LMNTD1: variants seen among roughly 807,000 people sequenced by gnomAD.
LMNTD1 encodes lamin tail domain containing 1.
LMNTD1 carries 35 observed loss-of-function variants against 50.9 expected under a neutral mutation model. The ratio of observed to expected loss-of-function variants is 0.69; its 90% CI spans 0.53 to 0.91. LMNTD1 has a LOEUF of 0.91. LMNTD1 is among the 40% of genes least tolerant of loss of function. The probability of loss-of-function intolerance (pLI) is 0.00; values close to 1 mark genes in which losing one functional copy is unlikely to be tolerated. For missense variants in LMNTD1, 470 were observed against 475.5 expected (o/e 0.99, Z 0.11); for synonymous variants, 153 against 161.9 (o/e 0.94, Z 0.42).
chr12:25,519,290 C>T (rs1032077556), intron 7 of LMNTD1, among the ~76,000 whole-genome samples: 44 of 152,274 alleles, frequency 2.9e-4, no homozygotes, highest in Non-Finnish European at 4.4e-4. Flanking sequence ...AATAACAGTG[C>T]CCATGAAAAG....
chr12:25,642,855 C>G (rs1393282871), intron 1 of LMNTD1, among the ~76,000 whole-genome samples: 3 of 152,318 alleles, frequency 2.0e-5, no homozygotes, highest in South Asian at 4.1e-4. Context: ...GAGCTCAGTA[C>G]AGCCAATTGG....
At chr12:25,526,741 T>C (rs1941743758) in intron 5 of LMNTD1, 28 bp downstream of exon 5, 7 of 1,473,408 alleles carry the variant, frequency 4.8e-6, no homozygotes, top group Admixed American at 1.9e-5. Context: ...ACAATTCTAA[T>C]GTACAGTATT....
At chr12:25,505,124 T>C (rs1414099073) in intron 8 of LMNTD1, among the ~76,000 whole-genome samples, 1 of 152,202 alleles carries the variant, frequency 6.6e-6, no homozygotes, top group Non-Finnish European at 1.5e-5. Flanking sequence ...TTTTTGAAAT[T>C]GAATGACAGG....
intron 1 of LMNTD1, among the ~76,000 whole-genome samples, chr12:25,619,266 ATATATATATATATG>A (rs369789465): frequency 0.15 from 18,860 of 123,768 alleles, 1,381 homozygotes; most frequent in East Asian, 0.34. Flanking sequence ...ATATATATAT[ATATATATATATATG>A]TATAGCTAAC....
chr12:25,579,477 T>A (rs1945182773), intron 1 of LMNTD1, among the ~76,000 whole-genome samples: 1 of 152,034 alleles, frequency 6.6e-6, no homozygotes, highest in Non-Finnish European at 1.5e-5. Context: ...CTGGAACCAA[T>A]CCCCCATGGA....
intron 9 of LMNTD1, among the ~76,000 whole-genome samples, chr12:25,486,290 T>C (rs1202976487): frequency 4.0e-5 from 6 of 149,006 alleles, no homozygotes; most frequent in Non-Finnish European, 6.0e-5. Context: ...AGTTCACTCA[T>C]GATTTGGCTC....
intron 1 of LMNTD1, among the ~76,000 whole-genome samples, chr12:25,627,607 T>A (rs992737640): frequency 6.6e-6 from 1 of 151,774 alleles, no homozygotes; most frequent in Non-Finnish European, 1.5e-5. Flanking sequence ...TTAATTCACC[T>A]AAATTTTCCA....
intron 1 of LMNTD1, among the ~76,000 whole-genome samples, chr12:25,565,559 G>A (rs1944523317): frequency 6.6e-6 from 1 of 152,094 alleles, no homozygotes; most frequent in South Asian, 2.1e-4. Flanking sequence ...GTCATGAAAA[G>A]TTGTTGTAGT....
intron 9 of LMNTD1, among the ~76,000 whole-genome samples, chr12:25,480,285 A>C (rs763532127): frequency 7.2e-5 from 11 of 152,098 alleles, no homozygotes; most frequent in Non-Finnish European, 1.6e-4. Flanking sequence ...TTTTATCATG[A>C]TTTTCTGGCA....
chr12:25,506,996 C>T (rs1315541367), intron 8 of LMNTD1, among the ~76,000 whole-genome samples: 2 of 152,058 alleles, frequency 1.3e-5, no homozygotes, highest in East Asian at 1.9e-4. Flanking sequence ...TCTTGTGCCT[C>T]GGCCTCCCGA....
chr12:25,639,140 C>T (rs1463245580), intron 1 of LMNTD1, among the ~76,000 whole-genome samples: 1 of 152,050 alleles, frequency 6.6e-6, no homozygotes, highest in African/African-American at 2.4e-5. Context: ...TGGACCCTTC[C>T]TCAAATTACA....
At chr12:25,529,398 G>C (rs1942059963) in intron 4 of LMNTD1, among the ~76,000 whole-genome samples, 1 of 152,096 alleles carries the variant, frequency 6.6e-6, no homozygotes, top group African/African-American at 2.4e-5. Context: ...CTGACCACAA[G>C]ATCTCAAAAG....
intron 1 of LMNTD1, among the ~76,000 whole-genome samples, chr12:25,593,743 A>C (rs1433973671): frequency 2.0e-5 from 3 of 152,104 alleles, no homozygotes. Flanking sequence ...TCAGAAGGTT[A>C]ATTATTAAGT....
rs769253363 is a variant in LMNTD1, at chr12:25,519,845, A to T, written c.1016+13T>A. On this transcript the variant is annotated intron_variant, in intron 7 of 9. Coordinates refer to ENST00000458174, the MANE Select transcript of LMNTD1 (RefSeq NM_001145728.2). The stretch of plus-strand genomic sequence containing the variant: ...AAGGACCCATTAAAACAAACAAACC[A>T]AACAACCCTTACCTCTTAAGAAGAA... 1 of 1,592,812 alleles carries T rather than the reference A, an allele frequency of 6.3e-7. No homozygotes were observed. The highest frequency in any genetic ancestry group is 2.2e-5 in the East Asian group (1 of 44,654).
At chr12:25,622,397 C>T (rs11048129) in intron 1 of LMNTD1, among the ~76,000 whole-genome samples, 2,999 of 151,774 alleles carry the variant, frequency 0.02, 36 homozygotes, top group Non-Finnish European at 0.029. Context: ...CATGCATGAC[C>T]CACAGGCACT....
At chr12:25,607,916 C>A (rs990596806) in intron 1 of LMNTD1, among the ~76,000 whole-genome samples, 6 of 152,096 alleles carry the variant, frequency 3.9e-5, no homozygotes, top group Non-Finnish European at 8.8e-5. Flanking sequence ...GTTGATCTGT[C>A]TAATATTGTC....
At chr12:25,534,154 T>C (rs190619031) in intron 4 of LMNTD1, among the ~76,000 whole-genome samples, 10 of 152,162 alleles carry the variant, frequency 6.6e-5, no homozygotes, top group Non-Finnish European at 4.4e-5. Context: ...CCTTTTTTTT[T>C]CCTTCTGCTG....
chr12:25,493,068 C>T (rs1320617370), intron 9 of LMNTD1, among the ~76,000 whole-genome samples: 1 of 152,170 alleles, frequency 6.6e-6, no homozygotes, highest in Non-Finnish European at 1.5e-5. Flanking sequence ...TGGCACCTAT[C>T]TGCAATTATT....
chr12:25,583,887 A>T (rs1374590083), intron 1 of LMNTD1, among the ~76,000 whole-genome samples: 1 of 152,178 alleles, frequency 6.6e-6, no homozygotes, highest in Non-Finnish European at 1.5e-5. Context: ...TGAGCCAATG[A>T]GTGTCATGAT....
Sources: gnomAD v4.1 joint callset for allele counts (sites outside exome capture counted in the v4.1 genomes callset) on GRCh38, gnomAD v4.1.1 for gene constraint, MANE v1.5 for transcripts, NCBI Gene and HGNC (gene_info 2026-07-23, HGNC 2026-07-21) for gene names.